Variants in TNS3 observed in about 807,000 individuals in gnomAD.
TNS3 encodes tensin-3.
TNS3 carries 45 observed loss-of-function variants against 140.9 expected under a neutral mutation model. That is an observed-to-expected ratio of 0.32 (90% confidence interval 0.25 to 0.41). The LOEUF (loss-of-function observed/expected upper bound fraction) is 0.41, where lower values mean the gene tolerates loss of function less well. Ranked by LOEUF, TNS3 falls within the 10% of genes least tolerant of loss-of-function variation. TNS3 has a pLI of 1.00. For missense variants in TNS3, 1,716 were observed against 1,906.7 expected, an observed-to-expected ratio of 0.90 and a Z score of 1.86; for synonymous variants, 815 against 788.4, an observed-to-expected ratio of 1.03 and a Z score of -0.56.
chr7:47,541,785 A>G (rs1799795886), intron 1 of TNS3, among the ~76,000 whole-genome samples: 1 of 151,968 alleles, frequency 6.6e-6, no homozygotes, highest in African/African-American at 2.4e-5. Context: ...TGTCTCTACT[A>G]AAAATACAAA....
intron 16 of TNS3, among the ~76,000 whole-genome samples, chr7:47,392,820 G>A (rs1332064875): frequency 6.6e-6 from 1 of 152,228 alleles, no homozygotes; most frequent in African/African-American, 2.4e-5. Context: ...AATTCAACAA[G>A]GATGAGTTTT....
chr7:47,325,210 T>C (rs922078032), intron 20 of TNS3, among the ~76,000 whole-genome samples: 2 of 152,194 alleles, frequency 1.3e-5, no homozygotes, highest in Admixed American at 6.5e-5. Context: ...ATGAGTTCCA[T>C]AGCATTCTAG....
At chr7:47,507,422 A>G (rs991303142) in intron 2 of TNS3, among the ~76,000 whole-genome samples, 1 of 152,166 alleles carries the variant, frequency 6.6e-6, no homozygotes, top group Non-Finnish European at 1.5e-5. Flanking sequence ...TCCATGAAAG[A>G]CCGGATGGGA....
chr7:47,304,275 C>T (rs1233513369), intron 21 of TNS3, among the ~76,000 whole-genome samples: 1 of 152,198 alleles, frequency 6.6e-6, no homozygotes, highest in Non-Finnish European at 1.5e-5. Flanking sequence ...AACCACACCA[C>T]GTGACACACG....
At chr7:47,468,827 T>C (rs1429628624) in intron 4 of TNS3, among the ~76,000 whole-genome samples, 2 of 152,116 alleles carry the variant, frequency 1.3e-5, no homozygotes, top group Non-Finnish European at 2.9e-5. Flanking sequence ...ATCACATTAT[T>C]CAACTTCAAA....
In TNS3 at chr7:47,290,244, G is replaced by C. The variant is rs112280124; in HGVS notation, c.3928+1711C>G. Among the ~76,000 whole-genome samples the C allele has an allele frequency of 7.2e-4, 109 of 152,236 alleles. 1 individual carries two copies. Among genetic ancestry groups the C allele is most frequent in the African/African-American group, 2.6e-3 (109 of 41,544 alleles). ...TCCTTCACAAAAATTAACTTAAAAC[G>C]GATCACAGACTTAAAGGTAAAATTT... On this transcript the variant is annotated intron_variant, in intron 27 of 30. Transcript: ENST00000311160.
Position 47,277,091 on chromosome 7 carries a change from A to AGG in TNS3, c.*984_*985insCC, listed in dbSNP as rs1784902151. On this transcript the variant is annotated 3_prime_UTR_variant, in exon 31 of 31. Transcript: ENST00000311160. Reference sequence around the variant, plus strand: ...ACATCAGGGTAGGTTGCTTGAGGCAAAGCCACCTTTGGGCGGCACCGCATA... The same window carrying AGG: ...ACATCAGGGTAGGTTGCTTGAGGCAAGGAGCCACCTTTGGGCGGCACCGCATA... 1 of 152,118 alleles carries AGG rather than the reference A, an allele frequency of 6.6e-6. No homozygotes were observed. The highest frequency in any genetic ancestry group is 1.5e-5 in the Non-Finnish European group (1 of 68,052). The allele number at this position is 152,118 out of a possible 1,614,324, so 9.4% of individuals were successfully genotyped here.
intron 23 of TNS3, among the ~76,000 whole-genome samples, chr7:47,300,514 A>C (rs1329825784): frequency 6.6e-6 from 1 of 152,050 alleles, no homozygotes; most frequent in Non-Finnish European, 1.5e-5. Context: ...CTCTCAGCAA[A>C]CCCCCGCGGC....
chr7:47,425,957 G>T (rs991200461), intron 9 of TNS3, among the ~76,000 whole-genome samples: 1 of 151,942 alleles, frequency 6.6e-6, no homozygotes, highest in Non-Finnish European at 1.5e-5. Context: ...AAAAATATAT[G>T]TATAAGAATG....
intron 1 of TNS3, among the ~76,000 whole-genome samples, chr7:47,535,827 G>A (rs999250626): frequency 4.6e-5 from 7 of 152,250 alleles, no homozygotes; most frequent in Non-Finnish European, 8.8e-5. Flanking sequence ...CCGGCTAAAG[G>A]TCGCCCTGGC....
chr7:47,440,189 A>G (rs1795396509), intron 5 of TNS3, among the ~76,000 whole-genome samples: 1 of 152,112 alleles, frequency 6.6e-6, no homozygotes, highest in South Asian at 2.1e-4. Context: ...GGTGCGGCCA[A>G]GGATGAGGCT....
chr7:47,560,185 G>A (rs183667430), intron 1 of TNS3, among the ~76,000 whole-genome samples: 1 of 152,150 alleles, frequency 6.6e-6, no homozygotes, highest in East Asian at 1.9e-4. Context: ...TGGGGCCTCA[G>A]GAAGGTGGTT....
rs182374593 is a variant in TNS3, at chr7:47,576,804, T to C, written c.-265+5247A>G. On this transcript the variant is annotated intron_variant, in intron 1 of 30. Transcript: ENST00000311160. ...ACACTGCAGCTGTGTTCCAGGGTGA[T>C]GGGGAGAGCGCAGATTCCTGAATCC... 2.2e-4 allele frequency among the ~76,000 whole-genome samples: 33 copies of C among 152,238 alleles called. No homozygotes were observed. In the East Asian group the frequency reaches 6.0e-3, roughly 28 times the overall value.
chr7:47,399,394 C>A (rs1473967505), intron 15 of TNS3, among the ~76,000 whole-genome samples: 1 of 151,490 alleles, frequency 6.6e-6, no homozygotes, highest in Non-Finnish European at 1.5e-5. Flanking sequence ...CAAAACAAAA[C>A]AAAAATCTGG....
chr7:47,553,630 AAG>A (rs149403695), intron 1 of TNS3, among the ~76,000 whole-genome samples: 96 of 152,328 alleles, frequency 6.3e-4, no homozygotes, highest in African/African-American at 2.2e-3. Context: ...CTCAGAAAAA[AAG>A]AGATTCGTTT....
At chr7:47,535,852 C>G (rs1409377556) in intron 1 of TNS3, among the ~76,000 whole-genome samples, 1 of 152,346 alleles carries the variant, frequency 6.6e-6, no homozygotes, top group East Asian at 1.9e-4. Flanking sequence ...TGGTTACACA[C>G]GCAAAAGTGC....
At chr7:47,367,760 G>T (rs1436732488) in intron 17 of TNS3, among the ~76,000 whole-genome samples, 1 of 152,066 alleles carries the variant, frequency 6.6e-6, no homozygotes. Context: ...AACCCCTTGT[G>T]GACCCCAGGC....
chr7:47,516,581 C>G lies in TNS3; in HGVS notation c.-152-9637G>C, dbSNP rs555665157. 2.6e-5 allele frequency among the ~76,000 whole-genome samples: 4 copies of G among 152,320 alleles called. No homozygotes were observed. In the East Asian group the frequency reaches 7.7e-4, roughly 29 times the overall value. The stretch of plus-strand genomic sequence containing the variant: ...TCCTGCCTCTACCCCGTTCTACACC[C>G]ACAGTGACTGTGCCCGGCTCCCAGC... On this transcript the variant is annotated intron_variant, in intron 2 of 30. Transcript: ENST00000311160.
At chr7:47,471,502 C>T (rs1450877100) in intron 4 of TNS3, among the ~76,000 whole-genome samples, 1 of 152,244 alleles carries the variant, frequency 6.6e-6, no homozygotes, top group Non-Finnish European at 1.5e-5. Flanking sequence ...CTGACTCCTG[C>T]AGGCAGCTCC....
Sources: gnomAD v4.1 joint callset for allele counts (sites outside exome capture counted in the v4.1 genomes callset) on GRCh38, gnomAD v4.1.1 for gene constraint, MANE v1.5 for transcripts, NCBI Gene and HGNC (gene_info 2026-07-23, HGNC 2026-07-21) for gene names.